Variants in NRXN1 observed in about 807,000 individuals in gnomAD.
NRXN1 encodes the protein neurexin-1.
Under a neutral mutation model 150.9 loss-of-function variants are expected in NRXN1, and 39 were observed. That is an observed-to-expected ratio of 0.26 (90% CI 0.20 to 0.34). The LOEUF is 0.34. Ranked by LOEUF, NRXN1 falls within the 10% of genes least tolerant of loss-of-function variation. The pLI, the probability that NRXN1 is intolerant of heterozygous loss-of-function variation, is 1.00. For synonymous variants in NRXN1, 924 were observed against 757.0 expected, an observed-to-expected ratio of 1.22 and a Z score of -3.62; for missense variants, 1,815 against 1,949.9, an observed-to-expected ratio of 0.93 and a Z score of 1.30.
intron 2 of NRXN1, among the ~76,000 whole-genome samples, chr2:51,013,788 G>A (rs1218944573): frequency 4.0e-5 from 6 of 151,552 alleles, no homozygotes; most frequent in African/African-American, 1.5e-4. Flanking sequence ...TCTTTCCTTC[G>A]GCCTAAACCA....
At chr2:50,789,900 G>T (rs1350907765) in intron 5 of NRXN1, among the ~76,000 whole-genome samples, 4 of 152,048 alleles carry the variant, frequency 2.6e-5, no homozygotes, top group South Asian at 2.1e-4. Flanking sequence ...GGATAAAGAG[G>T]AATTCCTCAA....
intron 2 of NRXN1, among the ~76,000 whole-genome samples, chr2:50,977,912 G>A (rs1429538451): frequency 1.3e-5 from 2 of 151,706 alleles, no homozygotes; most frequent in South Asian, 2.1e-4. Flanking sequence ...TAATGTGATA[G>A]CAATCTGAAA....
intron 21 of NRXN1, among the ~76,000 whole-genome samples, chr2:49,980,438 T>A (rs1322999863): frequency 6.6e-6 from 1 of 152,062 alleles, no homozygotes; most frequent in Admixed American, 6.6e-5. Context: ...TGGGAAGCTT[T>A]AAAAAAATAG....
intron 22 of NRXN1, among the ~76,000 whole-genome samples, chr2:49,934,799 CTTT>C (rs1670735468): frequency 6.6e-6 from 1 of 152,024 alleles, no homozygotes; most frequent in South Asian, 2.1e-4. Context: ...CTCTCTCTCT[CTTT>C]TTGTTTAGTA....
At chr2:50,542,773 T>C (rs2093418469) in intron 9 of NRXN1, among the ~76,000 whole-genome samples, 1 of 152,282 alleles carries the variant, frequency 6.6e-6, no homozygotes, top group East Asian at 1.9e-4. Flanking sequence ...ACATTTCCAA[T>C]AAGGGATTTG....
At chr2:50,855,449 C>CAATTCTGCA (rs1392019218) in intron 5 of NRXN1, among the ~76,000 whole-genome samples, 1 of 151,932 alleles carries the variant, frequency 6.6e-6, no homozygotes, top group Non-Finnish European at 1.5e-5. Context: ...AATTCAAATT[C>CAATTCTGCA]AATTCTGCAA....
intron 22 of NRXN1, among the ~76,000 whole-genome samples, chr2:49,930,568 G>A (rs184214355): frequency 7.2e-5 from 11 of 152,224 alleles, no homozygotes; most frequent in East Asian, 1.9e-4. Context: ...TCTCTCAACC[G>A]TATATCACAT....
chr2:50,531,503 C>A (rs958861500), intron 10 of NRXN1, 73 bp from the exon 11 acceptor site: 36 of 1,069,964 alleles, frequency 3.4e-5, no homozygotes, highest in African/African-American at 6.3e-5. Flanking sequence ...GGAAAAGGAT[C>A]ATTTATTATC....
intron 5 of NRXN1, among the ~76,000 whole-genome samples, chr2:50,910,467 G>C (rs1038727846): frequency 1.3e-5 from 2 of 151,948 alleles, no homozygotes; most frequent in Non-Finnish European, 2.9e-5. Flanking sequence ...CCACACAGCA[G>C]ATACATCATG....
At chr2:51,021,551 CATAT>C (rs67059107) in intron 2 of NRXN1, among the ~76,000 whole-genome samples, 4 of 150,222 alleles carry the variant, frequency 2.7e-5, no homozygotes, top group Non-Finnish European at 4.4e-5. Context: ...GACATGTATA[CATAT>C]ATATATATAT....
intron 5 of NRXN1, among the ~76,000 whole-genome samples, chr2:50,751,659 C>G (rs1700610853): frequency 6.6e-6 from 1 of 151,972 alleles, no homozygotes; most frequent in African/African-American, 2.4e-5. Context: ...GCCTGCATAA[C>G]TAGCTTTCAT....
intron 21 of NRXN1, among the ~76,000 whole-genome samples, chr2:50,036,921 C>T (rs1474110561): frequency 6.6e-6 from 1 of 152,098 alleles, no homozygotes; most frequent in Non-Finnish European, 1.5e-5. Context: ...ATCAGCTAAA[C>T]CTAGCCCAGA....
At chr2:50,677,580 T>G (rs1470542408) in intron 5 of NRXN1, among the ~76,000 whole-genome samples, 1 of 152,152 alleles carries the variant, frequency 6.6e-6, no homozygotes, top group Non-Finnish European at 1.5e-5. Context: ...TTTGTGGACC[T>G]TTCATTGAAT....
chr2:50,812,670 A>G (rs1030405896), intron 5 of NRXN1, among the ~76,000 whole-genome samples: 3 of 151,126 alleles, frequency 2.0e-5, no homozygotes, highest in Non-Finnish European at 4.4e-5. Flanking sequence ...ATATATATAC[A>G]TAATATATAG....
chr2:50,210,179 T>A (rs1037459057), intron 18 of NRXN1, among the ~76,000 whole-genome samples: 11 of 151,952 alleles, frequency 7.2e-5, no homozygotes, highest in African/African-American at 2.7e-4. Flanking sequence ...AATAGCCTTG[T>A]TTTGTTTTCT....
intron 13 of NRXN1, among the ~76,000 whole-genome samples, chr2:50,500,677 C>T (rs1020267646): frequency 3.3e-5 from 5 of 152,178 alleles, no homozygotes; most frequent in Non-Finnish European, 7.4e-5. Flanking sequence ...TAAGGTATAA[C>T]AGATTGACAA....
chr2:50,691,781 T>A (rs1692120508), intron 5 of NRXN1, among the ~76,000 whole-genome samples: 1 of 152,150 alleles, frequency 6.6e-6, no homozygotes, highest in South Asian at 2.1e-4. Flanking sequence ...CCCCGAGGGC[T>A]GACTCGGGGA....
intron 17 of NRXN1, among the ~76,000 whole-genome samples, chr2:50,298,173 T>C (rs1411651550): frequency 6.6e-6 from 1 of 152,014 alleles, no homozygotes; most frequent in Admixed American, 6.6e-5. Context: ...CTAAAAACAG[T>C]TGCACCTCTT....
chr2:49,967,839 C>T (rs1239953598), intron 21 of NRXN1, among the ~76,000 whole-genome samples: 1 of 151,974 alleles, frequency 6.6e-6, no homozygotes, highest in Non-Finnish European at 1.5e-5. Flanking sequence ...TAAGAAGTGT[C>T]CTCAGCTTCC....
Sources: allele counts gnomAD v4.1 joint callset (sites outside exome capture counted in the v4.1 genomes callset), GRCh38; gene constraint gnomAD v4.1.1; transcripts MANE v1.5; gene names NCBI Gene and HGNC (gene_info 2026-07-23, HGNC 2026-07-21).